The following ONECUT2 variants were observed in gnomAD, a reference collection of about 807,000 sequenced individuals.
ONECUT2 encodes the protein one cut homeobox 2.
Under a neutral mutation model 27.9 loss-of-function variants are expected in ONECUT2, and 10 were observed. That is an observed-to-expected ratio of 0.36 (90% CI 0.22 to 0.61). The LOEUF is 0.61. Ranked by LOEUF, ONECUT2 falls within the 20% of genes least tolerant of loss-of-function variation. The probability of loss-of-function intolerance (pLI) is 0.73; values close to 1 mark genes in which losing one functional copy is unlikely to be tolerated. For synonymous variants in ONECUT2, 334 were observed against 315.1 expected (o/e 1.06, Z -0.64); for missense variants, 686 against 721.0 (o/e 0.95, Z 0.56).
At chr18:57,455,475 A>T (rs1013564547) in intron 1 of ONECUT2, among the ~76,000 whole-genome samples, 1 of 152,160 alleles carries the variant, frequency 6.6e-6, no homozygotes, top group Non-Finnish European at 1.5e-5. Flanking sequence ...CATATTCATT[A>T]GTGTTTTCAT....
intron 1 of ONECUT2, among the ~76,000 whole-genome samples, chr18:57,447,986 C>T (rs1311418473): frequency 1.3e-5 from 2 of 152,200 alleles, no homozygotes; most frequent in South Asian, 2.1e-4. Flanking sequence ...ACAGTGGAGT[C>T]ATATGGCACT....
At position 57,435,857 on chromosome 18, in the gene ONECUT2, C is replaced by T. The variant is rs758397066; in HGVS notation, c.141C>T (p.Gly47=). Residue 47 remains glycine, a synonymous_variant, in exon 1 of 2, where the codon GGC becomes GGT. Transcript: ENST00000491143. ...GCAGTGGCGGGGGCGGCGGCGGGGG[C>T]GGCGGGGGCGGCGGCGGGGGCCCGG... is the stretch of plus-strand genomic sequence containing the variant. ...GGGSGGGGGG[G]GGGGGGGPGH... 25 of 712,778 alleles carry T rather than the reference C, an allele frequency of 3.5e-5. No homozygotes were observed. Among genetic ancestry groups the T allele is most frequent in the East Asian group, 1.4e-4 (1 of 7,384 alleles). 44.2% of individuals were successfully genotyped at this position (712,778 alleles called of 1,614,324 possible). A position where few individuals can be genotyped will look rare whatever the true frequency, so the allele number is the denominator to read the frequency against.
intron 1 of ONECUT2, among the ~76,000 whole-genome samples, chr18:57,454,634 C>T (rs943702263): frequency 6.6e-6 from 1 of 152,172 alleles, no homozygotes; most frequent in Non-Finnish European, 1.5e-5. Context: ...TCCTATTACA[C>T]ATGGGCCACA....
intron 1 of ONECUT2, among the ~76,000 whole-genome samples, chr18:57,471,437 G>A (rs1169435670): frequency 1.3e-5 from 2 of 152,190 alleles, no homozygotes; most frequent in East Asian, 1.9e-4. Flanking sequence ...ATGGGGAGCA[G>A]CACATTCTTG....
At chr18:57,442,870 A>G (rs548476136) in intron 1 of ONECUT2, among the ~76,000 whole-genome samples, 1 of 152,334 alleles carries the variant, frequency 6.6e-6, no homozygotes, top group Admixed American at 6.5e-5. Flanking sequence ...CTGAGGTAAC[A>G]GTACCCTAGG....
intron 1 of ONECUT2, among the ~76,000 whole-genome samples, chr18:57,470,489 T>C (rs182174392): frequency 2.6e-5 from 4 of 152,284 alleles, no homozygotes; most frequent in African/African-American, 9.6e-5. Flanking sequence ...AAATTCCCAA[T>C]GGGGGATCCA....
Position 57,436,585 on chromosome 18 carries a change from C to T in ONECUT2, c.869C>T (p.Ser290Leu), listed in dbSNP as rs2050144029. The change falls in exon 1 of 2, where the codon TCG (serine) becomes TTG (leucine). Residue 290 changes from serine (S) to leucine (L), a missense_variant. Ser to Leu is a moderately radical substitution (Grantham distance 145). Coordinates refer to ENST00000491143, the MANE Select transcript of ONECUT2 (RefSeq NM_004852.3). The surrounding 1 kb of genome is among the most constrained non-coding windows in gnomAD (Gnocchi z 5.9). The stretch of plus-strand genomic sequence containing the variant: ...GGCACCCCACCTGCGGCCATGATGT[C>T]GCACCTGAACGGCCTGCACCACCCG... ...GLGTPPAAMM[S>L]HLNGLHHPGH... 6.2e-7 allele frequency: 1 copy of T among 1,610,430 alleles called. No individual in the cohort carries two copies. Among genetic ancestry groups the T allele is most frequent in the South Asian group, 1.1e-5 (1 of 91,084 alleles).
intron 1 of ONECUT2, among the ~76,000 whole-genome samples, chr18:57,459,750 A>G (rs1049598183): frequency 4.6e-5 from 7 of 151,550 alleles, no homozygotes; most frequent in Non-Finnish European, 5.9e-5. Context: ...GTAGAGATGG[A>G]GTTTCTCCAT....
rs1245852696 is a variant in ONECUT2, at chr18:57,435,880, C to A, written c.164C>A (p.Pro55Gln). The A allele has an allele frequency of 1.9e-6, 2 of 1,064,980 alleles. No individual in the cohort carries two copies. The highest frequency in any genetic ancestry group is 3.4e-5 in the African/African-American group (2 of 58,266). The allele number at this position is 1,064,980 out of a possible 1,614,324, so 66.0% of individuals were successfully genotyped here. The change falls in exon 1 of 2, where the codon CCG becomes CAG. Residue 55 changes from proline to glutamine, a missense_variant. Transcript: ENST00000491143. The stretch of plus-strand genomic sequence containing the variant: ...GGCGGCGGGGGCGGCGGCGGGGGCC[C>A]GGGCCATGAGCAGGAGCTGCTGGCC... ...GGGGGGGGGG[P>Q]GHEQELLASP...
intron 1 of ONECUT2, among the ~76,000 whole-genome samples, chr18:57,464,629 TA>T (rs2050310750): frequency 6.6e-6 from 1 of 152,238 alleles, no homozygotes; most frequent in South Asian, 2.1e-4. Flanking sequence ...ATTATTCACA[TA>T]AAGATGAAAA....
chr18:57,439,145 G>A (rs1046306437), intron 1 of ONECUT2, among the ~76,000 whole-genome samples: 9 of 152,270 alleles, frequency 5.9e-5, no homozygotes, highest in African/African-American at 2.2e-4. Flanking sequence ...GATGAGGAAA[G>A]TAATGCTTCG....
intron 1 of ONECUT2, among the ~76,000 whole-genome samples, chr18:57,445,123 G>A (rs1303041015): frequency 6.6e-6 from 1 of 152,138 alleles, no homozygotes; most frequent in East Asian, 1.9e-4. Flanking sequence ...TAAGCCACCA[G>A]TTTGCTTCAT....
Position 57,479,877 on chromosome 18 carries a change from C to G in ONECUT2, c.*3154C>G. 6.6e-6 allele frequency: 1 copy of G among 152,346 alleles called. No homozygotes were observed. The highest frequency in any genetic ancestry group is 2.1e-4 in the South Asian group (1 of 4,824). The allele number at this position is 152,346 out of a possible 1,614,324, so 9.4% of individuals were successfully genotyped here. ...TCAGTGAGCAGGTCCACCAAAGGGA[C>G]TTCTCACAGGGGAAGCCCAACTCCT... On this transcript the variant is annotated 3_prime_UTR_variant, in exon 2 of 2. Coordinates refer to ENST00000491143, the MANE Select transcript of ONECUT2 (RefSeq NM_004852.3).
rs1391339618 is a variant in ONECUT2, at chr18:57,490,184, C to T, written c.*13461C>T. ...CCACCCAGACAATACTTTATTAACA[C>T]AGATACTGTAGATCCTTCCTTGGTC... is the stretch of plus-strand genomic sequence containing the variant. On this transcript the variant is annotated 3_prime_UTR_variant, in exon 2 of 2. Coordinates refer to ENST00000491143, the MANE Select transcript of ONECUT2 (RefSeq NM_004852.3). 6.6e-6 allele frequency: 1 copy of T among 152,070 alleles called. No individual in the cohort carries two copies. The highest frequency in any genetic ancestry group is 2.4e-5 in the African/African-American group (1 of 41,406). The allele number at this position is 152,070 out of a possible 1,614,324, so 9.4% of individuals were successfully genotyped here.
rs1427706725 is a variant in ONECUT2, at chr18:57,482,103, A to G, written c.*5380A>G. 1 of 152,230 alleles carries G rather than the reference A, an allele frequency of 6.6e-6. No homozygotes were observed. The highest frequency in any genetic ancestry group is 1.5e-5 in the Non-Finnish European group (1 of 68,046). The allele number at this position is 152,230 out of a possible 1,614,324, so 9.4% of individuals were successfully genotyped here. A position where few individuals can be genotyped will look rare whatever the true frequency, so the allele number is the denominator to read the frequency against. ...CAACAGGAGATTCTAGTTTTAAAATAAGGCCACAAAAATCCTTACGGAATG... is the reference window on the plus strand; with the variant it reads ...CAACAGGAGATTCTAGTTTTAAAATGAGGCCACAAAAATCCTTACGGAATG... On this transcript the variant is annotated 3_prime_UTR_variant, in exon 2 of 2. Transcript: ENST00000491143.
intron 1 of ONECUT2, among the ~76,000 whole-genome samples, chr18:57,474,591 A>G (rs1405598282): frequency 6.6e-6 from 1 of 152,136 alleles, no homozygotes; most frequent in Non-Finnish European, 1.5e-5. Flanking sequence ...GGCTTATTTT[A>G]TAAGGGCACT....
At chr18:57,439,498 T>G (rs989836008) in intron 1 of ONECUT2, among the ~76,000 whole-genome samples, 1 of 152,154 alleles carries the variant, frequency 6.6e-6, no homozygotes, top group African/African-American at 2.4e-5. Context: ...GTGTGTTGAG[T>G]GGTTATTATT....
At position 57,436,956 on chromosome 18, in the gene ONECUT2, G is replaced by A. The variant is rs1173201593; in HGVS notation, c.1228+12G>A. Reference sequence around the variant, plus strand: ...CTTACGCCTGGCAGGTAAGGCCGGGGCTAGCCAGGGGCCAGGCTGCTGGGA... The same window carrying A: ...CTTACGCCTGGCAGGTAAGGCCGGGACTAGCCAGGGGCCAGGCTGCTGGGA... On this transcript the variant is annotated intron_variant, in intron 1 of 1. Coordinates refer to ENST00000491143, the MANE Select transcript of ONECUT2 (RefSeq NM_004852.3). The surrounding 1 kb of genome is among the most constrained non-coding windows in gnomAD (Gnocchi z 5.9). The A allele has an allele frequency of 6.4e-7, 1 of 1,570,858 alleles. No individual in the cohort carries two copies. The highest frequency in any genetic ancestry group is 8.6e-7 in the Non-Finnish European group (1 of 1,158,754).
rs1203022311 is a variant in ONECUT2, at chr18:57,435,881, G to A, written c.165G>A (p.Pro55=). The part of the protein sequence containing the change: ...GGGGGGGGGG[P]GHEQELLASP... ...GCGGCGGGGGCGGCGGCGGGGGCCC[G>A]GGCCATGAGCAGGAGCTGCTGGCCA... Residue 55 remains proline, a synonymous_variant, in exon 1 of 2, where the codon CCG becomes CCA. Transcript: ENST00000491143. 1 of 1,068,526 alleles carries A rather than the reference G, an allele frequency of 9.4e-7. No individual in the cohort carries two copies. The highest frequency in any genetic ancestry group is 1.1e-6 in the Non-Finnish European group (1 of 886,236). 66.2% of individuals were successfully genotyped at this position (1,068,526 alleles called of 1,614,324 possible).
Sources: allele counts gnomAD v4.1 joint callset (sites outside exome capture counted in the v4.1 genomes callset), GRCh38; gene constraint gnomAD v4.1.1; non-coding constraint Gnocchi (gnomAD v3.1); transcripts MANE v1.5; gene names NCBI Gene and HGNC (gene_info 2026-07-23, HGNC 2026-07-21).